The following TBCD variants were observed in gnomAD, a reference collection of about 807,000 sequenced individuals.
TBCD encodes tubulin-specific chaperone D.
Under a neutral mutation model 169.3 loss-of-function variants are expected in TBCD, and 105 were observed. The ratio of observed to expected loss-of-function variants is 0.62; its 90% CI spans 0.53 to 0.73. The LOEUF (loss-of-function observed/expected upper bound fraction) is 0.73, where lower values mean the gene tolerates loss of function less well. TBCD is among the 30% of genes least tolerant of loss of function. The probability of loss-of-function intolerance (pLI) is 0.00; values close to 1 mark genes in which losing one functional copy is unlikely to be tolerated. For synonymous variants in TBCD, 700 were observed against 643.9 expected (o/e 1.09, Z -1.32); for missense variants, 1,444 against 1,600.1 (o/e 0.90, Z 1.66).
chr17:82,801,922 C>T (rs929205906), intron 9 of TBCD, among the ~76,000 whole-genome samples: 4 of 135,692 alleles, frequency 2.9e-5, no homozygotes, highest in African/African-American at 8.3e-5. Context: ...GCGTGTGTGT[C>T]GTCGTGTGGC....
At chr17:82,765,580 G>GAGGACACTGCGGGTGAGCTGCC (rs1454092094) in intron 3 of TBCD, among the ~76,000 whole-genome samples, 1 of 152,200 alleles carries the variant, frequency 6.6e-6, no homozygotes, top group Non-Finnish European at 1.5e-5. Flanking sequence ...TGGCCAGCGA[G>GAGGACACTGCGGGTGAGCTGCC]AGGACACTGC....
intron 26 of TBCD, among the ~76,000 whole-genome samples, chr17:82,924,079 G>A (rs768779515): frequency 2.0e-5 from 3 of 152,138 alleles, no homozygotes; most frequent in Non-Finnish European, 2.9e-5. Flanking sequence ...TCAGCCTCCT[G>A]AGTAGGTGGG....
intron 38 of TBCD, chr17:82,942,217 A>G: frequency 1.7e-6 from 1 of 594,708 alleles, no homozygotes; most frequent in South Asian, 2.1e-5. Context: ...AGAGCAGTGC[A>G]GTGAACCTCC....
In TBCD at chr17:82,831,051, C is replaced by T. The variant is rs1413769883; in HGVS notation, c.1318+16117C>T. 1 of 1,614,070 alleles carries T rather than the reference C, an allele frequency of 6.2e-7. No homozygotes were observed. The highest frequency in any genetic ancestry group is 8.5e-7 in the Non-Finnish European group (1 of 1,180,056). On this transcript the variant is annotated intron_variant, in intron 13 of 38. Coordinates refer to ENST00000355528, the MANE Select transcript of TBCD (RefSeq NM_005993.5). This position sits in a 1 kb window ranked among gnomAD's most constrained non-coding sequence, Gnocchi z 4.6. ...GAGACTCTGCTGTGGTCTCAGCAGCCTGGGCAGGTAGGCATTCTGTGCTTT... is the reference window on the plus strand; with the variant it reads ...GAGACTCTGCTGTGGTCTCAGCAGCTTGGGCAGGTAGGCATTCTGTGCTTT...
At chr17:82,925,957 CTGGGGG>C (rs1192461127) in intron 27 of TBCD, among the ~76,000 whole-genome samples, 3,625 of 137,040 alleles carry the variant, frequency 0.026, 953 homozygotes, top group Non-Finnish European at 0.038. Context: ...CTGGGTTGTA[CTGGGGG>C]CCGTGGAGAG....
chr17:82,837,823 C>T (rs976493213), intron 13 of TBCD, among the ~76,000 whole-genome samples: 10 of 152,334 alleles, frequency 6.6e-5, no homozygotes, highest in South Asian at 2.1e-4. Context: ...ACACCTCCTC[C>T]GAGCCTGGCC....
intron 2 of TBCD, among the ~76,000 whole-genome samples, chr17:82,762,038 T>G (rs899873801): frequency 2.0e-5 from 3 of 151,660 alleles, no homozygotes; most frequent in African/African-American, 7.3e-5. Context: ...TTTGAGTTGT[T>G]TCCGGTTTTT....
intron 13 of TBCD, among the ~76,000 whole-genome samples, chr17:82,869,611 C>T (rs539338556): frequency 6.6e-6 from 1 of 152,354 alleles, no homozygotes; most frequent in Non-Finnish European, 1.5e-5. Context: ...TAATCCACAC[C>T]TACCTCGGAT....
In TBCD at chr17:82,789,759, G is replaced by A. The variant is rs1251303770; in HGVS notation, c.772-7998G>A. 1.3e-5 allele frequency among the ~76,000 whole-genome samples: 2 copies of A among 152,174 alleles called. No homozygotes were observed. Among genetic ancestry groups the A allele is most frequent in the Non-Finnish European group, 2.9e-5 (2 of 68,036 alleles). ...CCTTGACCTTTATTACCTGATTTCT[G>A]TCCTTGGTTCTCGAGCCCTCCTTCT... On this transcript the variant is annotated intron_variant, in intron 7 of 38. Coordinates refer to ENST00000355528, the MANE Select transcript of TBCD (RefSeq NM_005993.5). The surrounding 1 kb of genome is among the most constrained non-coding windows in gnomAD (Gnocchi z 4.8).
chr17:82,945,622 T>G lies in TBCD; in HGVS notation c.*3159T>G, dbSNP rs761959124. On this transcript the variant is annotated 3_prime_UTR_variant, in exon 39 of 39. Coordinates refer to ENST00000355528, the MANE Select transcript of TBCD (RefSeq NM_005993.5). ...ATAAAAATATGCCATTCTTATCTGT[T>G]TGGTTTTTTAATCTTGGCTTAATAT... 6 of 152,202 alleles carry G rather than the reference T, an allele frequency of 3.9e-5. No individual in the cohort carries two copies. The highest frequency in any genetic ancestry group is 2.0e-4 in the Admixed American group (3 of 15,286). 9.4% of individuals were successfully genotyped at this position (152,202 alleles called of 1,614,324 possible).
chr17:82,858,774 G>C (rs1438209947), intron 13 of TBCD: 1 of 512,810 alleles, frequency 2.0e-6, no homozygotes, highest in Admixed American at 6.4e-5. Context: ...AACGGGCCCT[G>C]CTCAGCCGGT....
In TBCD at chr17:82,920,049, G is replaced by A. The variant is rs141410411; in HGVS notation, c.2039-507G>A. ...GATGCTGTCCAGTCGTCTCTGTCTCGTGCGTCCTGGCCCCCTCGTGGCTGG... is the reference window on the plus strand; with the variant it reads ...GATGCTGTCCAGTCGTCTCTGTCTCATGCGTCCTGGCCCCCTCGTGGCTGG... On this transcript the variant is annotated intron_variant, in intron 23 of 38. Coordinates refer to ENST00000355528, the MANE Select transcript of TBCD (RefSeq NM_005993.5). This position sits in a 1 kb window ranked among gnomAD's most constrained non-coding sequence, Gnocchi z 4.1. Among the ~76,000 whole-genome samples the A allele has an allele frequency of 1.2e-3, 186 of 152,316 alleles. 1 individual carries two copies. Among genetic ancestry groups the A allele is most frequent in the African/African-American group, 4.2e-3 (174 of 41,578 alleles).
At chr17:82,792,803 T>C (rs575139103) in intron 7 of TBCD, among the ~76,000 whole-genome samples, 3 of 151,578 alleles carry the variant, frequency 2.0e-5, no homozygotes, top group African/African-American at 7.3e-5. Flanking sequence ...TGAAATTACC[T>C]TTTTTTTTGG....
rs1476683483 is a variant in TBCD at position 82,920,810 on chromosome 17, C to T, written c.2101+192C>T. Among the ~76,000 whole-genome samples the T allele has an allele frequency of 6.6e-6, 1 of 152,122 alleles. No homozygotes were observed. Among genetic ancestry groups the T allele is most frequent in the Non-Finnish European group, 1.5e-5 (1 of 68,018 alleles). ...ATGGGTACCCACCGCCCTCTCCCCC[C>T]AACACAGGAGGGCCCTTCCCCGCCG... is the stretch of plus-strand genomic sequence containing the variant. On this transcript the variant is annotated intron_variant, in intron 24 of 38. Coordinates refer to ENST00000355528, the MANE Select transcript of TBCD (RefSeq NM_005993.5). The surrounding 1 kb of genome is among the most constrained non-coding windows in gnomAD (Gnocchi z 4.1).
At chr17:82,838,328 G>T (rs1190212544) in intron 13 of TBCD, among the ~76,000 whole-genome samples, 1 of 127,110 alleles carries the variant, frequency 7.9e-6, no homozygotes, top group Non-Finnish European at 1.7e-5. Flanking sequence ...ACAAGAGAAA[G>T]AGTTCTTAAA....
chr17:82,808,040 G>T (rs544085778), intron 11 of TBCD, among the ~76,000 whole-genome samples: 1 of 152,346 alleles, frequency 6.6e-6, no homozygotes, highest in African/African-American at 2.4e-5. Context: ...TTTGTGGGGT[G>T]AGCAGGTGCC....
At chr17:82,893,676 C>A in intron 17 of TBCD, 44 bp downstream of exon 17, 1 of 1,390,670 alleles carries the variant, frequency 7.2e-7, no homozygotes, top group Non-Finnish European at 9.9e-7. Context: ...ACTCTAAAAT[C>A]AGATTGGATG....
intron 13 of TBCD, among the ~76,000 whole-genome samples, chr17:82,865,290 G>T (rs560025972): frequency 1.3e-5 from 2 of 152,346 alleles, no homozygotes; most frequent in East Asian, 1.9e-4. Context: ...GTGCTGAAGG[G>T]AGGGTCTGCA....
chr17:82,860,488 T>C, intron 13 of TBCD: 1 of 963,470 alleles, frequency 1.0e-6, no homozygotes, highest in Non-Finnish European at 1.2e-6. Context: ...CAGGAGATCC[T>C]GAGGCTGATT....
Sources: gnomAD v4.1 joint callset for allele counts (sites outside exome capture counted in the v4.1 genomes callset) on GRCh38, gnomAD v4.1.1 for gene constraint, Gnocchi (gnomAD v3.1) non-coding constraint, MANE v1.5 for transcripts, NCBI Gene and HGNC (gene_info 2026-07-23, HGNC 2026-07-21) for gene names.